ECM2: variants seen among roughly 807,000 people sequenced by gnomAD.
ECM2 encodes extracellular matrix protein 2, also known as extracellular matrix protein 2, female organ and adipocyte specific.
A neutral mutation model predicts 67.5 loss-of-function variants in ECM2; 57 were observed. That is an observed-to-expected ratio of 0.84 (90% CI 0.68 to 1.05). The LOEUF (loss-of-function observed/expected upper bound fraction) is 1.05, where lower values mean the gene tolerates loss of function less well. ECM2 is among the 50% of genes least tolerant of loss of function. ECM2 has a pLI of 0.00. For missense variants in ECM2, 741 were observed against 822.8 expected, an observed-to-expected ratio of 0.90 and a Z score of 1.22; for synonymous variants, 258 against 294.5, an observed-to-expected ratio of 0.88 and a Z score of 1.27.
Position 92,512,057 on chromosome 9 carries a change from CT to C in ECM2, c.1123del (p.Ser375ValfsTer10). On this transcript the variant is annotated frameshift_variant, in exon 5 of 10. Coordinates refer to ENST00000344604, the MANE Select transcript of ECM2 (RefSeq NM_001393.4). LOFTEE classifies it high-confidence loss of function. ...GLPNLERLDL[S>X]KNNITSSGIG... ...GCCTGAAGAAGTGATATTATTTTTA[CT>C]CAGATCAAGCCTTTCCAAATTTGGT... 1 of 1,613,682 alleles carries C rather than the reference CT, an allele frequency of 6.2e-7. No individual in the cohort carries two copies. The highest frequency in any genetic ancestry group is 8.5e-7 in the Non-Finnish European group (1 of 1,179,762).
chr9:92,549,638 C>T, the ECM2 span, among the ~76,000 whole-genome samples: 1 of 137,886 alleles, frequency 7.3e-6, no homozygotes, highest in East Asian at 2.0e-4. Context: ...GAGAGCATGA[C>T]TCCGTCTCAA....
upstream of ECM2, among the ~76,000 whole-genome samples, chr9:92,538,207 G>T (rs748326964): frequency 1.3e-5 from 2 of 152,188 alleles, no homozygotes; most frequent in African/African-American, 2.4e-5. Flanking sequence ...AGAGAACAAA[G>T]TGGGCTTACC....
At chr9:92,520,580 C>T (rs1478978291) in intron 2 of ECM2, among the ~76,000 whole-genome samples, 2 of 152,050 alleles carry the variant, frequency 1.3e-5, no homozygotes, top group Middle Eastern at 3.2e-3. Context: ...ATAGAATTAC[C>T]AAATGGCCCA....
intron 2 of ECM2, among the ~76,000 whole-genome samples, chr9:92,522,231 T>C (rs1414866095): frequency 6.6e-6 from 1 of 151,820 alleles, no homozygotes; most frequent in East Asian, 1.9e-4. Context: ...GGATTACAGG[T>C]ACATGCCACC....
At chr9:92,515,316 C>G in intron 3 of ECM2, 113 bp from the exon 4 acceptor site, 1 of 1,277,264 alleles carries the variant, frequency 7.8e-7, no homozygotes, top group Non-Finnish European at 9.9e-7. Flanking sequence ...TATTTGAGTG[C>G]AATTTAAAGA....
intron 7 of ECM2, among the ~76,000 whole-genome samples, chr9:92,504,555 A>C (rs906967521): frequency 3.3e-5 from 5 of 152,072 alleles, no homozygotes; most frequent in Non-Finnish European, 7.4e-5. Context: ...TGGTTTGTAG[A>C]GACAGGGTCT....
At chr9:92,504,968 C>T (rs959904498) in intron 7 of ECM2, among the ~76,000 whole-genome samples, 1 of 152,182 alleles carries the variant, frequency 6.6e-6, no homozygotes, top group Admixed American at 6.5e-5. Flanking sequence ...GATAATGAAG[C>T]AAGGCTGGGG....
Position 92,532,039 on chromosome 9 carries a change from T to A in ECM2, c.-28+3894A>T, listed in dbSNP as rs538586250. Among the ~76,000 whole-genome samples the A allele has an allele frequency of 2.6e-4, 36 of 141,156 alleles. 1 individual carries two copies. The highest frequency in any genetic ancestry group is 1.1e-3 in the South Asian group (5 of 4,502). 92.6% of individuals were successfully genotyped at this position (141,156 alleles called of 152,430 possible). ...TGTTTTTTTTTTTTTATTTTATTTTTTTTTTGAGATGAGGTCTCACTATGT... is the reference window on the plus strand; with the variant it reads ...TGTTTTTTTTTTTTTATTTTATTTTATTTTTGAGATGAGGTCTCACTATGT... On this transcript the variant is annotated intron_variant, in intron 1 of 9. Coordinates refer to ENST00000344604, the MANE Select transcript of ECM2 (RefSeq NM_001393.4).
intron 9 of ECM2, among the ~76,000 whole-genome samples, chr9:92,497,134 A>C (rs899004555): frequency 3.3e-5 from 5 of 152,190 alleles, no homozygotes; most frequent in Non-Finnish European, 5.9e-5. Flanking sequence ...CCAAAGTTAA[A>C]CTGGAAAAAA....
chr9:92,495,669 CT>C lies in ECM2; in HGVS notation c.*645del. The C allele has an allele frequency of 1.1e-6, 1 of 881,824 alleles. No individual in the cohort carries two copies. The highest frequency in any genetic ancestry group is 1.4e-6 in the Non-Finnish European group (1 of 735,692). 54.6% of individuals were successfully genotyped at this position (881,824 alleles called of 1,614,324 possible). ...AAAGAGTATAGAATTTATGCACACC[CT>C]TCTGCCAGCTTTCCTTAATGTTAAC... On this transcript the variant is annotated 3_prime_UTR_variant, in exon 10 of 10. Coordinates refer to ENST00000344604, the MANE Select transcript of ECM2 (RefSeq NM_001393.4).
intron 2 of ECM2, among the ~76,000 whole-genome samples, chr9:92,521,592 A>G (rs1285974620): frequency 3.9e-5 from 6 of 152,190 alleles, no homozygotes. Flanking sequence ...TGAAAGTTTT[A>G]TTTAGTGGTA....
Position 92,502,525 on chromosome 9 carries a change from C to T in ECM2, c.1592G>A (p.Trp531Ter), listed in dbSNP as rs1564358034. The stretch of plus-strand genomic sequence containing the variant: ...AGCATGTACTTACTCTTGATTTATC[C>T]AGGCTAAAGGAGCAATCCTATTTTC... ...IEENRIAPLA[W>*]INQENLESID... Residue 531 changes from tryptophan to a stop codon, truncating the protein, a stop_gained, in exon 8 of 10, where the codon TGG becomes TAG. Transcript: ENST00000344604. LOFTEE classifies it high-confidence loss of function. 25 of 1,612,168 alleles carry T rather than the reference C, an allele frequency of 1.6e-5. No homozygotes were observed. Among genetic ancestry groups the T allele is most frequent in the Non-Finnish European group, 2.1e-5 (25 of 1,179,252 alleles).
chr9:92,508,353 A>C (rs1269858741), intron 6 of ECM2, among the ~76,000 whole-genome samples: 1 of 152,232 alleles, frequency 6.6e-6, no homozygotes, highest in East Asian at 1.9e-4. Flanking sequence ...AGGCAGGCAG[A>C]CAGCCCGTTC....
chr9:92,532,029 A>ATTTTTTTTTTTTTTTTTTTTTTT (rs201461115), intron 1 of ECM2, among the ~76,000 whole-genome samples: 2 of 91,042 alleles, frequency 2.2e-5, no homozygotes, highest in Non-Finnish European at 4.3e-5. Flanking sequence ...TTTTTTTTTT[A>ATTTTTTTTTTTTTTTTTTTTTTT]TTTTATTTTT....
chr9:92,549,628 G>A, the ECM2 span, among the ~76,000 whole-genome samples: 1 of 147,406 alleles, frequency 6.8e-6, no homozygotes, highest in South Asian at 2.2e-4. Flanking sequence ...GCCTGAGTGG[G>A]AGAGCATGAC....
At chr9:92,524,887 G>A (rs913773448) in intron 1 of ECM2, among the ~76,000 whole-genome samples, 3 of 152,138 alleles carry the variant, frequency 2.0e-5, no homozygotes, top group Non-Finnish European at 4.4e-5. Context: ...ATGATAGGAA[G>A]GAATGGTAAA....
chr9:92,499,697 T>C (rs1369673312), intron 9 of ECM2, among the ~76,000 whole-genome samples: 1 of 152,234 alleles, frequency 6.6e-6, no homozygotes, highest in Admixed American at 6.5e-5. Flanking sequence ...AACCCCCATC[T>C]CTTCCTCCAG....
upstream of ECM2, chr9:92,539,276 C>T (rs1172170807): frequency 6.6e-6 from 1 of 152,160 alleles, no homozygotes; most frequent in Non-Finnish European, 1.5e-5. Flanking sequence ...CCGGAGGTGA[C>T]TTTCATGTTG....
intron 4 of ECM2, among the ~76,000 whole-genome samples, chr9:92,513,480 A>G (rs796577380): frequency 2.6e-5 from 4 of 152,328 alleles, no homozygotes; most frequent in African/African-American, 9.6e-5. Context: ...TTAGGTCCAC[A>G]CAAACATCTG....
Sources: gnomAD v4.1 joint callset for allele counts (sites outside exome capture counted in the v4.1 genomes callset) on GRCh38, gnomAD v4.1.1 for gene constraint, MANE v1.5 for transcripts, NCBI Gene and HGNC (gene_info 2026-07-23, HGNC 2026-07-21) for gene names.